GREB1L: variants seen among roughly 807,000 people sequenced by gnomAD.
The protein encoded by GREB1L is GREB1-like protein.
Under a neutral mutation model 200.8 loss-of-function variants are expected in GREB1L, and 17 were observed. The ratio of observed to expected loss-of-function variants is 0.08; its 90% confidence interval spans 0.06 to 0.13. The LOEUF is 0.13. Ranked by LOEUF, GREB1L falls within the 10% of genes least tolerant of loss-of-function variation. GREB1L has a pLI of 1.00. For synonymous variants in GREB1L, 789 were observed against 893.0 expected (o/e 0.88, Z 2.08); for missense variants, 1,657 against 2,367.7 (o/e 0.70, Z 6.23).
chr18:21,254,329 C>G (rs542200342), intron 1 of GREB1L, among the ~76,000 whole-genome samples: 14 of 152,160 alleles, frequency 9.2e-5, no homozygotes, highest in Non-Finnish European at 1.9e-4. Context: ...CTGGGCCTCC[C>G]AAAATGCTGG....
chr18:21,268,540 C>T (rs1567914639), intron 1 of GREB1L, among the ~76,000 whole-genome samples: 2 of 93,348 alleles, frequency 2.1e-5, no homozygotes, highest in African/African-American at 1.1e-4. Context: ...CACACACACA[C>T]ACACACACAC....
intron 1 of GREB1L, among the ~76,000 whole-genome samples, chr18:21,311,548 G>T (rs1426649041): frequency 6.6e-6 from 1 of 152,102 alleles, no homozygotes; most frequent in Non-Finnish European, 1.5e-5. Flanking sequence ...GCCCTAAGCG[G>T]CACCCGTCCA....
In GREB1L at chr18:21,441,529, T is replaced by C; in HGVS notation, c.1199T>C (p.Ile400Thr). The C allele has an allele frequency of 6.5e-7, 1 of 1,549,996 alleles. No homozygotes were observed. Reference protein sequence around the residue: ...LLSNSGVRPVILIGYGTLPYF... With the variant: ...LLSNSGVRPVTLIGYGTLPYF... The stretch of plus-strand genomic sequence containing the variant: ...AGTAACTCAGGAGTTAGACCAGTAA[T>C]TCTGATAGGTAAGGTAATGGAATTC... Residue 400 changes from isoleucine to threonine, a missense_variant, in exon 10 of 33, where the codon ATT (isoleucine) becomes ACT (threonine). Transcript: ENST00000424526.
At chr18:21,267,272 C>T (rs1389994151) in intron 1 of GREB1L, among the ~76,000 whole-genome samples, 2 of 150,866 alleles carry the variant, frequency 1.3e-5, no homozygotes, top group Admixed American at 6.6e-5. Context: ...ACCTCTGCCT[C>T]CCGGGTTCAA....
chr18:21,258,831 A>G (rs1323294185), intron 1 of GREB1L, among the ~76,000 whole-genome samples: 3 of 152,212 alleles, frequency 2.0e-5, no homozygotes, highest in African/African-American at 7.2e-5. Flanking sequence ...TTTAAGTAAT[A>G]TGGGCTTTAA....
chr18:21,477,101 G>A lies in GREB1L; in HGVS notation c.2364-63G>A, dbSNP rs1398852544. The A allele has an allele frequency of 4.7e-6, 5 of 1,058,302 alleles. No homozygotes were observed. The Admixed American group carries it at 9.2e-5, about 19-fold the overall frequency. 65.6% of individuals were successfully genotyped at this position (1,058,302 alleles called of 1,614,324 possible). A position where few individuals can be genotyped will look rare whatever the true frequency, so the allele number is the denominator to read the frequency against. On this transcript the variant is annotated intron_variant, in intron 16 of 32. Coordinates refer to ENST00000424526, the MANE Select transcript of GREB1L (RefSeq NM_001142966.3). ...AAACTAAAACAGTATGTCCATGTTAGTGTCTGATTCTATATCTACTTGGTT... is the reference window on the plus strand; with the variant it reads ...AAACTAAAACAGTATGTCCATGTTAATGTCTGATTCTATATCTACTTGGTT...
At chr18:21,251,646 A>C (rs2037706465) in intron 1 of GREB1L, among the ~76,000 whole-genome samples, 1 of 152,192 alleles carries the variant, frequency 6.6e-6, no homozygotes, top group Non-Finnish European at 1.5e-5. Flanking sequence ...ACCATATGCA[A>C]ATAAAAGATT....
At chr18:21,452,717 TGGGAGTGTCAG>T (rs1162101662) in intron 14 of GREB1L, among the ~76,000 whole-genome samples, 1 of 152,090 alleles carries the variant, frequency 6.6e-6, no homozygotes, top group Non-Finnish European at 1.5e-5. Flanking sequence ...GGGCTCAAAG[TGGGAGTGTCAG>T]GGATGAGGAG....
chr18:21,435,059 G>C (rs2033449761), intron 7 of GREB1L: 1 of 152,644 alleles, frequency 6.6e-6, no homozygotes, highest in Non-Finnish European at 1.5e-5. Context: ...AGGTTGTAGG[G>C]AAGACTTTTG....
At chr18:21,287,546 C>T (rs935617539) in intron 1 of GREB1L, among the ~76,000 whole-genome samples, 2 of 152,064 alleles carry the variant, frequency 1.3e-5, no homozygotes, top group African/African-American at 4.8e-5. Context: ...AAAACATAGC[C>T]AATATTTTTG....
At chr18:21,291,414 TG>T (rs1392300106) in intron 1 of GREB1L, among the ~76,000 whole-genome samples, 1 of 152,192 alleles carries the variant, frequency 6.6e-6, no homozygotes, top group Non-Finnish European at 1.5e-5. Flanking sequence ...TAGAGACATG[TG>T]GGGCATTTCC....
intron 7 of GREB1L, among the ~76,000 whole-genome samples, chr18:21,434,527 G>GTATATATATA (rs745921166): frequency 2.9e-5 from 4 of 138,770 alleles, no homozygotes; most frequent in Admixed American, 2.2e-4. Context: ...GTGTGTGTGT[G>GTATATATATA]TGTGTATATA....
At chr18:21,513,733 G>A (rs370499651) in intron 27 of GREB1L, 88 bp from the exon 28 acceptor site, 1 of 1,245,420 alleles carries the variant, frequency 8.0e-7, no homozygotes, top group Non-Finnish European at 1.1e-6. Context: ...CAGGCATTCT[G>A]TGGAGAGAAT....
At chr18:21,492,362 AAAAG>A (rs2036377291) in intron 19 of GREB1L, among the ~76,000 whole-genome samples, 1 of 151,818 alleles carries the variant, frequency 6.6e-6, no homozygotes. Context: ...AAAAGAAAGA[AAAAG>A]AAAAAGAATT....
chr18:21,395,498 A>G lies in GREB1L; in HGVS notation c.469A>G (p.Ile157Val). 6.4e-7 allele frequency: 1 copy of G among 1,551,550 alleles called. No individual in the cohort carries two copies. Among genetic ancestry groups the G allele is most frequent in the Non-Finnish European group, 8.7e-7 (1 of 1,146,886 alleles). ...CAAGTCTCCCAATCTGCCTGAACAC[A>G]TCCTAGTTTGTGCTGTGGACAAGCG... ...GAKSPNLPEHILVCAVDKRFL... is the reference protein window; with the variant it reads ...GAKSPNLPEHVLVCAVDKRFL... Residue 157 changes from isoleucine (I) to valine (V), a missense_variant, in exon 5 of 33, where the codon ATC becomes GTC. This residue lies in a region of GREB1L where 70 missense variants were observed against 151.3 expected (regional missense o/e 0.46). Coordinates refer to ENST00000424526, the MANE Select transcript of GREB1L (RefSeq NM_001142966.3).
intron 1 of GREB1L, among the ~76,000 whole-genome samples, chr18:21,276,696 A>C (rs930191087): frequency 6.6e-6 from 1 of 152,008 alleles, no homozygotes; most frequent in African/African-American, 2.4e-5. Flanking sequence ...TAAGCATTTT[A>C]TCTCTAAAAT....
intron 1 of GREB1L, among the ~76,000 whole-genome samples, chr18:21,266,232 G>A (rs1467137454): frequency 6.6e-6 from 1 of 152,134 alleles, no homozygotes; most frequent in Non-Finnish European, 1.5e-5. Flanking sequence ...CAAAAGAATT[G>A]TGTTCAAATA....
At chr18:21,335,090 G>A (rs1344946191) in intron 1 of GREB1L, among the ~76,000 whole-genome samples, 1 of 152,088 alleles carries the variant, frequency 6.6e-6, no homozygotes, top group African/African-American at 2.4e-5. Context: ...ATAAAAGTGG[G>A]TCATTTGTAC....
chr18:21,428,053 G>T, intron 7 of GREB1L, among the ~76,000 whole-genome samples: 1 of 150,766 alleles, frequency 6.6e-6, no homozygotes, highest in South Asian at 2.1e-4. Flanking sequence ...AGCCGGGCGC[G>T]GTGGCGGGCG....
Sources: allele counts gnomAD v4.1 joint callset (sites outside exome capture counted in the v4.1 genomes callset), GRCh38; gene constraint gnomAD v4.1.1; regional missense constraint gnomAD v4.1.1; transcripts MANE v1.5; gene names NCBI Gene and HGNC (gene_info 2026-07-23, HGNC 2026-07-21).